Variants in CMPK1 observed in about 807,000 individuals in gnomAD.
CMPK1 encodes UMP-CMP kinase.
CMPK1 carries 10 observed loss-of-function variants against 25.7 expected under a neutral mutation model. The ratio of observed to expected loss-of-function variants is 0.39; its 90% CI spans 0.24 to 0.66. The LOEUF (loss-of-function observed/expected upper bound fraction) is 0.66. CMPK1 is among the 30% of genes least tolerant of loss of function. The probability of loss-of-function intolerance (pLI) is 0.48; values close to 1 mark genes in which losing one functional copy is unlikely to be tolerated. For synonymous variants in CMPK1, 106 were observed against 101.5 expected (o/e 1.04, Z -0.27); for missense variants, 199 against 280.5 (o/e 0.71, Z 2.08).
intron 1 of CMPK1, among the ~76,000 whole-genome samples, chr1:47,345,680 A>G (rs1646478434): frequency 6.7e-6 from 1 of 150,162 alleles, no homozygotes; most frequent in African/African-American, 2.5e-5. Flanking sequence ...TTTTTAGTCA[A>G]TCTCCTGACC....
intron 2 of CMPK1, among the ~76,000 whole-genome samples, chr1:47,372,509 C>T (rs989220973): frequency 6.6e-6 from 1 of 152,104 alleles, no homozygotes; most frequent in Admixed American, 6.6e-5. Context: ...TATAGCAAAA[C>T]GACTTGGGAA....
At chr1:47,339,707 T>TCC (rs1646425473) in intron 1 of CMPK1, among the ~76,000 whole-genome samples, 1 of 76,654 alleles carries the variant, frequency 1.3e-5, no homozygotes, top group Non-Finnish European at 3.3e-5. Flanking sequence ...TTTCCTTTTT[T>TCC]TTTTTTTTTT....
intron 1 of CMPK1, chr1:47,358,825 T>C: frequency 1.0e-6 from 1 of 984,426 alleles, no homozygotes; most frequent in South Asian, 4.7e-5. Context: ...TTGTACATTT[T>C]TCTGGTGTTG....
chr1:47,338,293 A>G (rs888104566), intron 1 of CMPK1, among the ~76,000 whole-genome samples: 46 of 152,182 alleles, frequency 3.0e-4, no homozygotes, highest in Admixed American at 2.0e-4. Context: ...TGAAGTGGGT[A>G]TTGTTAGAGG....
At chr1:47,358,077 C>A (rs1646575042) in intron 1 of CMPK1, among the ~76,000 whole-genome samples, 1 of 143,656 alleles carries the variant, frequency 7.0e-6, no homozygotes, top group Admixed American at 7.1e-5. Flanking sequence ...TCTTCTCTGA[C>A]CTATCTTGAG....
At chr1:47,337,477 G>C (rs1171065663) in intron 1 of CMPK1, among the ~76,000 whole-genome samples, 1 of 152,068 alleles carries the variant, frequency 6.6e-6, no homozygotes, top group Non-Finnish European at 1.5e-5. Context: ...ACCTTAAACT[G>C]TTATCTTCTT....
At chr1:47,335,241 C>A (rs1005680425) in intron 1 of CMPK1, among the ~76,000 whole-genome samples, 2 of 152,156 alleles carry the variant, frequency 1.3e-5, no homozygotes, top group African/African-American at 4.8e-5. Context: ...CTTATATGTT[C>A]ATAACAATCA....
At chr1:47,336,105 C>G (rs1261830899) in intron 1 of CMPK1, among the ~76,000 whole-genome samples, 1 of 150,656 alleles carries the variant, frequency 6.6e-6, no homozygotes, top group Admixed American at 6.6e-5. Context: ...CTGCTGCACT[C>G]CAGCCTGGGC....
chr1:47,340,575 G>C (rs1479995207), intron 1 of CMPK1, among the ~76,000 whole-genome samples: 3 of 152,210 alleles, frequency 2.0e-5, no homozygotes, highest in East Asian at 3.9e-4. Context: ...GAAGAAACTA[G>C]ATAGGAAAAT....
intron 1 of CMPK1, among the ~76,000 whole-genome samples, chr1:47,365,776 A>G (rs1199862470): frequency 6.6e-6 from 1 of 152,094 alleles, no homozygotes; most frequent in Non-Finnish European, 1.5e-5. Context: ...TCTCCCTCCA[A>G]ATCTTAGTGC....
chr1:47,349,427 A>G (rs1043727260), intron 1 of CMPK1, among the ~76,000 whole-genome samples: 1 of 152,328 alleles, frequency 6.6e-6, no homozygotes, highest in African/African-American at 2.4e-5. Flanking sequence ...TGGTCTTACC[A>G]GCTCCAAAAC....
intron 1 of CMPK1, among the ~76,000 whole-genome samples, chr1:47,364,534 G>A (rs1278674161): frequency 1.3e-5 from 2 of 151,362 alleles, no homozygotes; most frequent in Non-Finnish European, 2.9e-5. Flanking sequence ...AGCCAGGATG[G>A]TCTTGATCTC....
In CMPK1 at chr1:47,334,114, G is replaced by A; in HGVS notation, c.169G>A (p.Glu57Lys). The A allele has an allele frequency of 6.6e-7, 1 of 1,511,822 alleles. No individual in the cohort carries two copies. The highest frequency in any genetic ancestry group is 2.1e-5 in the Admixed American group (1 of 48,132). The allele number at this position is 1,511,822 out of a possible 1,614,324, so 93.7% of individuals were successfully genotyped here. A position where few individuals can be genotyped will look rare whatever the true frequency, so the allele number is the denominator to read the frequency against. Residue 57 changes from glutamate (E) to lysine (K), a missense_variant and splice_region_variant, in exon 1 of 6, where the codon GAG (glutamate) becomes AAG (lysine). Glu to Lys is a moderately conservative substitution (Grantham distance 56). Around this residue, in one of 2 missense-constraint regions of CMPK1, gnomAD observed 140 missense variants for 235.5 expected, o/e 0.59. Transcript: ENST00000371873. ...GGGGACCCAGTGCGCCCGCATCGTCGAGGTGAGGCCCGGGCAGCAGGCGGG... is the reference window on the plus strand; with the variant it reads ...GGGGACCCAGTGCGCCCGCATCGTCAAGGTGAGGCCCGGGCAGCAGGCGGG... ...GKGTQCARIV[E>K]KYGYTHLSAG...
chr1:47,333,812 G>A lies in CMPK1; in HGVS notation c.-134G>A, dbSNP rs985757194. 5.3e-5 allele frequency: 19 copies of A among 357,530 alleles called. No individual in the cohort carries two copies. The highest frequency in any genetic ancestry group is 6.4e-5 in the Admixed American group (1 of 15,646). The allele number at this position is 357,530 out of a possible 1,614,324, so 22.1% of individuals were successfully genotyped here. Reference sequence around the variant, plus strand: ...CTCCCCTTCCGACAGGGCCGCGGACGCCCGGGCAGCCACGGCGGCGGGGCC... The same window carrying A: ...CTCCCCTTCCGACAGGGCCGCGGACACCCGGGCAGCCACGGCGGCGGGGCC... On this transcript the variant is annotated 5_prime_UTR_variant, in exon 1 of 6. Coordinates refer to ENST00000371873, the MANE Select transcript of CMPK1 (RefSeq NM_016308.3).
At chr1:47,360,610 A>G (rs1189299648) in intron 1 of CMPK1, among the ~76,000 whole-genome samples, 1 of 152,226 alleles carries the variant, frequency 6.6e-6, no homozygotes, top group Non-Finnish European at 1.5e-5. Flanking sequence ...ATGGAGAATT[A>G]CTTTTATTAA....
intron 1 of CMPK1, among the ~76,000 whole-genome samples, chr1:47,366,047 A>G (rs1646637858): frequency 6.6e-6 from 1 of 151,950 alleles, no homozygotes; most frequent in Non-Finnish European, 1.5e-5. Flanking sequence ...TACAGAAATT[A>G]GCCAGGCATG....
At chr1:47,365,607 C>T (rs2622904) in intron 1 of CMPK1, among the ~76,000 whole-genome samples, 1 of 126,318 alleles carries the variant, frequency 7.9e-6, no homozygotes, top group African/African-American at 3.2e-5. Flanking sequence ...GCACTCCAAT[C>T]TGGGTGACAG....
intron 1 of CMPK1, among the ~76,000 whole-genome samples, chr1:47,341,111 G>A (rs1646438080): frequency 6.6e-6 from 1 of 151,960 alleles, no homozygotes; most frequent in African/African-American, 2.4e-5. Context: ...TTCATTTTTT[G>A]CCTTTCCATT....
At chr1:47,362,018 G>A (rs1646606503) in intron 1 of CMPK1, among the ~76,000 whole-genome samples, 2 of 150,980 alleles carry the variant, frequency 1.3e-5, no homozygotes, top group African/African-American at 4.9e-5. Context: ...TTACAGGCAT[G>A]CGCCACTATG....
Sources: gnomAD v4.1 joint callset for allele counts (sites outside exome capture counted in the v4.1 genomes callset) on GRCh38, gnomAD v4.1.1 for gene constraint, gnomAD v4.1.1 regional missense constraint, MANE v1.5 for transcripts, NCBI Gene and HGNC (gene_info 2026-07-23, HGNC 2026-07-21) for gene names.